The following NETO1 variants were observed in gnomAD, a reference collection of about 807,000 sequenced individuals.
NETO1 encodes neuropilin and tolloid-like protein 1.
A neutral mutation model predicts 61.3 loss-of-function variants in NETO1; 26 were observed. The ratio of observed to expected loss-of-function variants is 0.42; its 90% CI spans 0.31 to 0.59. NETO1 has a LOEUF of 0.59. Among genes scored for constraint, NETO1 ranks in the 20% least tolerant of loss-of-function variants. NETO1 has a pLI of 0.12. For missense variants in NETO1, 531 were observed against 662.8 expected (o/e 0.80, Z 2.18); for synonymous variants, 225 against 225.8 (o/e 1.00, Z 0.03).
intron 4 of NETO1, among the ~76,000 whole-genome samples, chr18:72,814,896 A>G (rs554286434): frequency 6.6e-6 from 1 of 152,178 alleles, no homozygotes; most frequent in East Asian, 1.9e-4. Flanking sequence ...AAAGAGAAAT[A>G]AAAATCTACC....
intron 4 of NETO1, among the ~76,000 whole-genome samples, chr18:72,818,795 A>G (rs1248638383): frequency 1.3e-5 from 2 of 152,114 alleles, no homozygotes; most frequent in African/African-American, 4.8e-5. Flanking sequence ...TATCTATTAA[A>G]TTATAGAAAC....
In NETO1 at chr18:72,749,090, TG is replaced by T. The variant is rs761392701; in HGVS notation, c.1542-3del. 1 of 1,553,528 alleles carries T rather than the reference TG, an allele frequency of 6.4e-7. No individual in the cohort carries two copies. Among genetic ancestry groups the T allele is most frequent in the Non-Finnish European group, 8.9e-7 (1 of 1,125,338 alleles). ...CTTAGAGACCCAATGAGGCAGAACC[TG>T]GAATGTTATGGCTATTTCATTCAAC... On this transcript the variant is annotated splice_polypyrimidine_tract_variant and splice_region_variant and intron_variant, in intron 9 of 10. Transcript: ENST00000327305.
chr18:72,830,681 C>T lies in NETO1; in HGVS notation c.469+28145G>A, dbSNP rs2073547302. On this transcript the variant is annotated intron_variant, in intron 4 of 10. Transcript: ENST00000327305. This position sits in a 1 kb window ranked among gnomAD's most constrained non-coding sequence, Gnocchi z 4.9. Reference sequence around the variant, plus strand: ...TGAAAATCTGTCTTAATCCTGATTCCTAGTTGAACTGAGTCTTGCATAAAG... The same window carrying T: ...TGAAAATCTGTCTTAATCCTGATTCTTAGTTGAACTGAGTCTTGCATAAAG... Among the ~76,000 whole-genome samples, 1 of 152,110 alleles carries T rather than the reference C, an allele frequency of 6.6e-6. No individual in the cohort carries two copies. The highest frequency in any genetic ancestry group is 6.5e-5 in the Admixed American group (1 of 15,284).
chr18:72,804,784 C>G (rs1039676419), intron 4 of NETO1, among the ~76,000 whole-genome samples: 14 of 152,174 alleles, frequency 9.2e-5, no homozygotes, highest in Non-Finnish European at 1.9e-4. Context: ...GTGATATTTT[C>G]AACGCACAGC....
chr18:72,837,232 A>G (rs1270738243), intron 4 of NETO1, among the ~76,000 whole-genome samples: 1 of 152,182 alleles, frequency 6.6e-6, no homozygotes, highest in Non-Finnish European at 1.5e-5. Context: ...GGGGCAAATG[A>G]GCGCAAGTTT....
chr18:72,757,317 A>C (rs2070816142), intron 7 of NETO1, among the ~76,000 whole-genome samples: 1 of 152,156 alleles, frequency 6.6e-6, no homozygotes, highest in Admixed American at 6.5e-5. Context: ...TTGCTACACT[A>C]ACCACAACTG....
intron 3 of NETO1, among the ~76,000 whole-genome samples, chr18:72,861,281 C>T (rs968073904): frequency 6.6e-6 from 1 of 152,172 alleles, no homozygotes; most frequent in Non-Finnish European, 1.5e-5. Flanking sequence ...GTTAATGACA[C>T]ACAACCAGAA....
At chr18:72,831,465 A>G (rs576426753) in intron 4 of NETO1, among the ~76,000 whole-genome samples, 43 of 152,352 alleles carry the variant, frequency 2.8e-4, no homozygotes, top group Non-Finnish European at 5.4e-4. Context: ...AGCATATGTT[A>G]TAAATTTTAA....
At chr18:72,865,311 A>G (rs2074703067) in intron 1 of NETO1, 70 bp from the exon 2 acceptor site, 1 of 1,302,396 alleles carries the variant, frequency 7.7e-7, no homozygotes. Flanking sequence ...ACATAACATA[A>G]TTTCAAGATA....
At chr18:72,757,571 T>C (rs2145113822) in intron 7 of NETO1, among the ~76,000 whole-genome samples, 1 of 152,222 alleles carries the variant, frequency 6.6e-6, no homozygotes, top group East Asian at 1.9e-4. Context: ...AAGCATATAA[T>C]AGTAATTTTG....
chr18:72,752,625 C>T lies in NETO1; in HGVS notation c.983-2005G>A, dbSNP rs146246431. 4.6e-3 allele frequency among the ~76,000 whole-genome samples: 694 copies of T among 150,912 alleles called. 5 individuals are homozygous for T. The highest frequency in any genetic ancestry group is 0.016 in the African/African-American group (666 of 41,094). On this transcript the variant is annotated intron_variant, in intron 8 of 10. Coordinates refer to ENST00000327305, the MANE Select transcript of NETO1 (RefSeq NM_138966.5). Reference sequence around the variant, plus strand: ...TAATACATGTAAAGAAACAGTAAAGCGAAGTGTATATATAGGAAAAAAAAA... The same window carrying T: ...TAATACATGTAAAGAAACAGTAAAGTGAAGTGTATATATAGGAAAAAAAAA...
At chr18:72,779,553 T>A (rs2071669169) in intron 7 of NETO1, among the ~76,000 whole-genome samples, 1 of 152,154 alleles carries the variant, frequency 6.6e-6, no homozygotes, top group South Asian at 2.1e-4. Flanking sequence ...TACCCACCCA[T>A]TTCCAAGTAG....
chr18:72,759,818 C>A (rs1051629615), intron 7 of NETO1, among the ~76,000 whole-genome samples: 1 of 152,168 alleles, frequency 6.6e-6, no homozygotes, highest in Non-Finnish European at 1.5e-5. Context: ...CCCTTATAAA[C>A]CAGCTGCTTT....
chr18:72,807,250 G>A (rs1055591566), intron 4 of NETO1, among the ~76,000 whole-genome samples: 9 of 151,994 alleles, frequency 5.9e-5, no homozygotes, highest in Non-Finnish European at 1.2e-4. Flanking sequence ...GTTTTCATGT[G>A]GGCACAGAGT....
chr18:72,858,814 G>T lies in NETO1; in HGVS notation c.469+12C>A. ...GAAGAAAAAGAAATTTTTTTTTTAA[G>T]TACTTACTTACCAGGTGTGAAATTG... On this transcript the variant is annotated intron_variant, in intron 4 of 10. Coordinates refer to ENST00000327305, the MANE Select transcript of NETO1 (RefSeq NM_138966.5). 6.3e-7 allele frequency: 1 copy of T among 1,580,598 alleles called. No homozygotes were observed. The highest frequency in any genetic ancestry group is 2.0e-5 in the Admixed American group (1 of 51,192).
chr18:72,791,798 G>T (rs1568203426), intron 6 of NETO1, among the ~76,000 whole-genome samples: 2 of 152,046 alleles, frequency 1.3e-5, no homozygotes, highest in Non-Finnish European at 2.9e-5. Context: ...AAAATAAATA[G>T]CCCTTGCATG....
At chr18:72,806,858 T>C (rs560257584) in intron 4 of NETO1, among the ~76,000 whole-genome samples, 19 of 152,328 alleles carry the variant, frequency 1.2e-4, no homozygotes, top group Non-Finnish European at 5.9e-5. Context: ...ACTGAAACAA[T>C]GTCTAATTTG....
At chr18:72,809,735 A>T (rs1431773399) in intron 4 of NETO1, among the ~76,000 whole-genome samples, 5 of 152,226 alleles carry the variant, frequency 3.3e-5, no homozygotes, top group Non-Finnish European at 5.9e-5. Context: ...TTTATTAGAT[A>T]GCATTTAATG....
intron 7 of NETO1, among the ~76,000 whole-genome samples, chr18:72,758,582 A>C (rs147899359): frequency 0.011 from 1,683 of 152,302 alleles, 35 homozygotes; most frequent in African/African-American, 0.038. Context: ...CACGCCTGTA[A>C]TCCCAGCACT....
Sources: gnomAD v4.1 joint callset for allele counts (sites outside exome capture counted in the v4.1 genomes callset) on GRCh38, gnomAD v4.1.1 for gene constraint, Gnocchi (gnomAD v3.1) non-coding constraint, MANE v1.5 for transcripts, NCBI Gene and HGNC (gene_info 2026-07-23, HGNC 2026-07-21) for gene names.